The following NFE2L3 variants were observed in gnomAD, a reference collection of about 807,000 sequenced individuals.
NFE2L3 encodes NFE2 like bZIP transcription factor 3, also known as nuclear factor erythroid 2-related factor 3.
In NFE2L3, 18 loss-of-function variants were observed where a neutral mutation model predicts 23.5. That is an observed-to-expected ratio of 0.77 (90% confidence interval 0.53 to 1.13). The LOEUF is 1.13. NFE2L3 is among the 50% of genes most tolerant of loss of function. The pLI, the probability that NFE2L3 is intolerant of heterozygous loss-of-function variation, is 0.00. For missense variants in NFE2L3, 1,152 were observed against 877.2 expected (o/e 1.31, Z -3.96); for synonymous variants, 424 against 354.5 (o/e 1.20, Z -2.20).
intron 1 of NFE2L3, among the ~76,000 whole-genome samples, chr7:26,155,200 T>A (rs892905289): frequency 2.6e-5 from 4 of 152,146 alleles, no homozygotes; most frequent in Non-Finnish European, 4.4e-5. Flanking sequence ...CCCAGCACTT[T>A]GGGAGGCTGA....
chr7:26,185,705 TGGA>T lies in NFE2L3; in HGVS notation c.2008_2010del (p.Gly670del), dbSNP rs1281814775. 3 of 1,613,636 alleles carry T rather than the reference TGGA, an allele frequency of 1.9e-6. No homozygotes were observed. Among genetic ancestry groups the T allele is most frequent in the Non-Finnish European group, 2.5e-6 (3 of 1,179,782 alleles). Reference sequence around the variant, plus strand: ...ACTATGCTCTCCAGTGTACCCATGATGGAAGTATCTTGATAGTACCCAAAGAAC... The same window carrying T: ...ACTATGCTCTCCAGTGTACCCATGATAGTATCTTGATAGTACCCAAAGAAC... On this transcript the variant is annotated inframe_deletion, in exon 4 of 4. Coordinates refer to ENST00000056233, the MANE Select transcript of NFE2L3 (RefSeq NM_004289.7).
intron 1 of NFE2L3, among the ~76,000 whole-genome samples, chr7:26,153,279 G>A (rs1349890000): frequency 6.6e-6 from 1 of 152,198 alleles, no homozygotes; most frequent in Non-Finnish European, 1.5e-5. Flanking sequence ...AGGAAGAAGT[G>A]GACGAAATCA....
chr7:26,154,160 C>G (rs1012502844), intron 1 of NFE2L3, among the ~76,000 whole-genome samples: 1 of 152,186 alleles, frequency 6.6e-6, no homozygotes, highest in African/African-American at 2.4e-5. Flanking sequence ...TTATGCTGAT[C>G]TGAGCCCTTC....
chr7:26,183,806 A>C, intron 3 of NFE2L3, 22 bp downstream of exon 3: 1 of 1,522,992 alleles, frequency 6.6e-7, no homozygotes, highest in Non-Finnish European at 9.1e-7. Flanking sequence ...TTTGGCTTTT[A>C]TCCTCGCAGG....
At chr7:26,180,965 CTTTT>C (rs112896552) in intron 2 of NFE2L3, among the ~76,000 whole-genome samples, 16 of 146,198 alleles carry the variant, frequency 1.1e-4, no homozygotes, top group East Asian at 4.0e-4. Flanking sequence ...GTACTTAACA[CTTTT>C]TTTTTTTTTG....
intron 1 of NFE2L3, among the ~76,000 whole-genome samples, chr7:26,153,504 A>G (rs902729898): frequency 1.3e-5 from 2 of 152,146 alleles, no homozygotes; most frequent in Non-Finnish European, 2.9e-5. Context: ...CTCCCGGCCT[A>G]ACGCAAGGAC....
chr7:26,185,311 A>G lies in NFE2L3; in HGVS notation c.1613A>G (p.Asp538Gly). Residue 538 changes from aspartate to glycine, a missense_variant, in exon 4 of 4, where the codon GAT (aspartate) becomes GGT (glycine). Transcript: ENST00000056233. ...LEDTDRNLSR[D>G]EQRAKALHIP... Reference sequence around the variant, plus strand: ...GACACAGATAGAAACTTGAGCCGTGATGAACAGCGTGCTAAAGCTTTGCAT... The same window carrying G: ...GACACAGATAGAAACTTGAGCCGTGGTGAACAGCGTGCTAAAGCTTTGCAT... 1.2e-6 allele frequency: 2 copies of G among 1,614,150 alleles called. No homozygotes were observed. The highest frequency in any genetic ancestry group is 1.7e-6 in the Non-Finnish European group (2 of 1,179,992).
At chr7:26,172,977 A>C (rs929531558) in intron 1 of NFE2L3, among the ~76,000 whole-genome samples, 7 of 152,120 alleles carry the variant, frequency 4.6e-5, no homozygotes, top group African/African-American at 1.2e-4. Context: ...TTTCTAATTC[A>C]TCATTCTCCT....
intron 1 of NFE2L3, among the ~76,000 whole-genome samples, chr7:26,159,165 C>T (rs531361333): frequency 1.3e-5 from 2 of 152,268 alleles, no homozygotes; most frequent in South Asian, 2.1e-4. Flanking sequence ...TGTGACCCAG[C>T]CCCCAGCTGC....
rs755008317 is a variant in NFE2L3 at position 26,185,792 on chromosome 7, T to C, written c.*9T>C. ...AGGGAAAGAGAAAGTGAGAAGAAACTGAAGATGGACTCTATTATGTGAAGT... is the reference window on the plus strand; with the variant it reads ...AGGGAAAGAGAAAGTGAGAAGAAACCGAAGATGGACTCTATTATGTGAAGT... On this transcript the variant is annotated 3_prime_UTR_variant, in exon 4 of 4. Transcript: ENST00000056233. The C allele has an allele frequency of 6.4e-7, 1 of 1,573,432 alleles. No individual in the cohort carries two copies. Among genetic ancestry groups the C allele is most frequent in the South Asian group, 1.2e-5 (1 of 84,084 alleles).
At chr7:26,156,237 GGCTTAGAACTTGCCTGTCACTTAAGT>G (rs1280157300) in intron 1 of NFE2L3, among the ~76,000 whole-genome samples, 1 of 152,116 alleles carries the variant, frequency 6.6e-6, no homozygotes, top group Non-Finnish European at 1.5e-5. Flanking sequence ...CCATGTAAAG[GGCTTAGAACTTGCCTGTCACTTAAGT>G]GCTTAGTTAG....
chr7:26,184,388 TTAAC>T, intron 3 of NFE2L3, 141 bp from the exon 4 acceptor site: 1 of 700,902 alleles, frequency 1.4e-6, no homozygotes, highest in Non-Finnish European at 2.4e-6. Context: ...TTGCCTGTAT[TTAAC>T]TAGGAAGTTA....
rs764047526 is a variant in NFE2L3 at position 26,185,374 on chromosome 7, T to A, written c.1676T>A (p.Val559Asp). The change falls in exon 4 of 4, where the codon GTT becomes GAT. Residue 559 changes from valine (V) to aspartate (D), a missense_variant. Transcript: ENST00000056233. ...FSVDEIVGMP[V>D]DSFNSMLSRY... The stretch of plus-strand genomic sequence containing the variant: ...GTAGATGAAATTGTCGGCATGCCTG[T>A]TGATTCTTTCAATAGCATGTTAAGT... 5.0e-6 allele frequency: 8 copies of A among 1,614,056 alleles called. No individual in the cohort carries two copies. Among genetic ancestry groups the A allele is most frequent in the Admixed American group, 1.7e-5 (1 of 59,996 alleles).
rs1423783344 is a variant in NFE2L3, at chr7:26,178,137, AT to A, written c.750+16del. ...CTAGAAATGAGGTAAGCCTGTCAGA[AT>A]ATTCAAGCCTTGCCGTTTTGGTTTT... On this transcript the variant is annotated intron_variant, in intron 2 of 3. Transcript: ENST00000056233. 6.2e-7 allele frequency: 1 copy of A among 1,605,246 alleles called. No individual in the cohort carries two copies. The highest frequency in any genetic ancestry group is 1.1e-5 in the South Asian group (1 of 89,220).
chr7:26,182,379 T>C (rs1197859052), intron 2 of NFE2L3, among the ~76,000 whole-genome samples: 1 of 150,540 alleles, frequency 6.6e-6, no homozygotes, highest in Admixed American at 6.6e-5. Flanking sequence ...ATCCCAACTC[T>C]TTGTGAGGCC....
In NFE2L3 at chr7:26,163,621, A is replaced by C. The variant is rs183948177; in HGVS notation, c.570+10553A>C. Reference sequence around the variant, plus strand: ...CTCAGCCTCCCAAAGTGCTGGGATTACAGGCGTGAGCTACCACACGTGGCC... The same window carrying C: ...CTCAGCCTCCCAAAGTGCTGGGATTCCAGGCGTGAGCTACCACACGTGGCC... On this transcript the variant is annotated intron_variant, in intron 1 of 3. Transcript: ENST00000056233. Among the ~76,000 whole-genome samples, 11 of 152,324 alleles carry C rather than the reference A, an allele frequency of 7.2e-5. No individual in the cohort carries two copies. The East Asian group carries it at 2.1e-3, about 29-fold the overall frequency.
intron 1 of NFE2L3, among the ~76,000 whole-genome samples, chr7:26,170,913 G>A: frequency 6.6e-6 from 1 of 152,092 alleles, no homozygotes; most frequent in East Asian, 1.9e-4. Flanking sequence ...GTAAACATTA[G>A]CCAGGCATGG....
intron 2 of NFE2L3, 74 bp downstream of exon 2, chr7:26,178,196 C>T: frequency 7.8e-7 from 1 of 1,280,946 alleles, no homozygotes; most frequent in East Asian, 2.5e-5. Context: ...CAGTTTGTGT[C>T]AAGAATGAGC....
intron 1 of NFE2L3, among the ~76,000 whole-genome samples, chr7:26,172,502 A>G (rs553692853): frequency 6.6e-6 from 1 of 152,320 alleles, no homozygotes; most frequent in Non-Finnish European, 1.5e-5. Context: ...ATTTAATCTG[A>G]ATGTAAGGCT....
Sources: allele counts gnomAD v4.1 joint callset (sites outside exome capture counted in the v4.1 genomes callset), GRCh38; gene constraint gnomAD v4.1.1; transcripts MANE v1.5; gene names NCBI Gene and HGNC (gene_info 2026-07-23, HGNC 2026-07-21).